DCHS2: variants seen among roughly 807,000 people sequenced by gnomAD.
DCHS2 encodes dachsous cadherin-related 2.
In DCHS2, 142 loss-of-function variants were observed where a neutral mutation model predicts 182.4. The observed-to-expected ratio is 0.78, with a 90% CI of 0.68 to 0.89. DCHS2 has a LOEUF of 0.89. Among genes scored for constraint, DCHS2 ranks in the 40% least tolerant of loss-of-function variants. DCHS2 has a pLI of 0.00. For missense variants in DCHS2, 4,319 were observed against 4,198.6 expected (o/e 1.03, Z -0.79); for synonymous variants, 1,740 against 1,663.3 (o/e 1.05, Z -1.12).
intron 2 of DCHS2, among the ~76,000 whole-genome samples, chr4:154,372,897 A>G (rs146557021): frequency 1.3e-5 from 2 of 152,352 alleles, no homozygotes; most frequent in East Asian, 3.9e-4. Context: ...AGTAGCAACG[A>G]ACATCAATGT....
At chr4:154,245,834 A>G (rs919623680) in intron 16 of DCHS2, among the ~76,000 whole-genome samples, 1 of 152,202 alleles carries the variant, frequency 6.6e-6, no homozygotes, top group Admixed American at 6.5e-5. Context: ...AAAGGAAATC[A>G]GAGATTAAAA....
Position 154,234,970 on chromosome 4 carries a change from C to T in DCHS2, c.9682G>A (p.Gly3228Arg), listed in dbSNP as rs969617194. The change falls in exon 20 of 20, where the codon GGA (glycine) becomes AGA (arginine). Residue 3228 changes from glycine to arginine, a missense_variant. Gly to Arg is a moderately radical substitution (Grantham distance 125, BLOSUM62 -2). Transcript: ENST00000357232. ...LSTQTTSDHD[G>R]KDNYHWNYLL... ...TAATTCCAGTGATAGTTGTCTTTTCCATCATGATCAGAGGTCGTCTGAGTT... is the reference window on the plus strand; with the variant it reads ...TAATTCCAGTGATAGTTGTCTTTTCTATCATGATCAGAGGTCGTCTGAGTT... 3.1e-6 allele frequency: 5 copies of T among 1,614,056 alleles called. No individual in the cohort carries two copies. The highest frequency in any genetic ancestry group is 4.2e-6 in the Non-Finnish European group (5 of 1,179,954).
In DCHS2 at chr4:154,320,895, C is replaced by A; in HGVS notation, c.4504G>T (p.Asp1502Tyr). The A allele has an allele frequency of 1.9e-6, 3 of 1,614,082 alleles. No individual in the cohort carries two copies. The highest frequency in any genetic ancestry group is 2.5e-6 in the Non-Finnish European group (3 of 1,180,020). The change falls in exon 9 of 20, where the codon GAT becomes TAT. Residue 1502 changes from aspartate (D) to tyrosine (Y), a missense_variant. Coordinates refer to ENST00000357232, the MANE Select transcript of DCHS2 (RefSeq NM_001358235.2). ...STVFLSIDVE[D>Y]QNDHSPSFQD... ...AAAGATGGGGAATGGTCATTCTGAT[C>A]TTCCACATCGATACTAAGGAAGACT...
intron 1 of DCHS2, among the ~76,000 whole-genome samples, chr4:154,417,372 C>T (rs577836427): frequency 6.6e-5 from 10 of 152,066 alleles, no homozygotes; most frequent in South Asian, 2.1e-4. Context: ...CTTCCTTGGC[C>T]AAATTCAAGA....
At chr4:154,307,912 C>A (rs1038616135) in intron 10 of DCHS2, among the ~76,000 whole-genome samples, 2 of 152,148 alleles carry the variant, frequency 1.3e-5, no homozygotes, top group Non-Finnish European at 2.9e-5. Context: ...ACCCTCTGCA[C>A]CTGTACTCAA....
At chr4:154,252,224 A>C (rs951130880) in intron 16 of DCHS2, among the ~76,000 whole-genome samples, 14 of 152,288 alleles carry the variant, frequency 9.2e-5, no homozygotes, top group African/African-American at 3.4e-4. Context: ...GGGTTACATG[A>C]GATATTTTGA....
intron 3 of DCHS2, among the ~76,000 whole-genome samples, chr4:154,356,162 CT>C (rs1296399177): frequency 6.6e-6 from 1 of 151,872 alleles, no homozygotes; most frequent in Non-Finnish European, 1.5e-5. Context: ...GCTCTTGACC[CT>C]GTGTAGGCCT....
intron 2 of DCHS2, among the ~76,000 whole-genome samples, chr4:154,372,529 C>A (rs1311115198): frequency 6.6e-6 from 1 of 152,028 alleles, no homozygotes; most frequent in Non-Finnish European, 1.5e-5. Flanking sequence ...TTATCTCAAA[C>A]ACATATGTCA....
Position 154,446,986 on chromosome 4 carries a change from T to C in DCHS2, c.2052+42318A>G, listed in dbSNP as rs555321634. Among the ~76,000 whole-genome samples, 3 of 151,830 alleles carry C rather than the reference T, an allele frequency of 2.0e-5. No individual in the cohort carries two copies. In the South Asian group the frequency reaches 6.3e-4, roughly 32 times the overall value. On this transcript the variant is annotated intron_variant, in intron 1 of 19. Transcript: ENST00000357232. ...CACACACACACACACACATAATAAATGCAAGTAAAACTAGGGAAATCTGGG... is the reference window on the plus strand; with the variant it reads ...CACACACACACACACACATAATAAACGCAAGTAAAACTAGGGAAATCTGGG...
intron 5 of DCHS2, chr4:154,331,660 C>T: frequency 6.2e-7 from 1 of 1,614,056 alleles, no homozygotes; most frequent in South Asian, 1.1e-5. Context: ...GTCTGTCCCA[C>T]TAAAGGCAGC....
intron 1 of DCHS2, among the ~76,000 whole-genome samples, chr4:154,451,650 A>G (rs1734541106): frequency 6.6e-6 from 1 of 152,188 alleles, no homozygotes; most frequent in Admixed American, 6.5e-5. Flanking sequence ...CTGCAGCACT[A>G]TAGCCCATTT....
At chr4:154,379,542 A>G (rs1388068) in intron 1 of DCHS2, among the ~76,000 whole-genome samples, 4,003 of 152,316 alleles carry the variant, frequency 0.026, 164 homozygotes, top group South Asian at 0.14. Flanking sequence ...ATGGCTACCC[A>G]GTGCCACTCT....
rs1256855069 is a variant in DCHS2, at chr4:154,329,531, G to T, written c.3910C>A (p.His1304Asn). 1.9e-6 allele frequency: 3 copies of T among 1,613,208 alleles called. No homozygotes were observed. Among genetic ancestry groups the T allele is most frequent in the Non-Finnish European group, 2.5e-6 (3 of 1,179,574 alleles). ...FPQCLPGKEL[H>N]VKVLEGQPVN... Reference sequence around the variant, plus strand: ...AAGGTTTCTTCACAAACCTTCACGTGTAACTCCTTTCCAGGGAGACACTGG... The same window carrying T: ...AAGGTTTCTTCACAAACCTTCACGTTTAACTCCTTTCCAGGGAGACACTGG... The change falls in exon 6 of 20, where the codon CAC becomes AAC. Residue 1304 changes from histidine (H) to asparagine (N), a missense_variant. His to Asn is a moderately conservative substitution (Grantham distance 68, BLOSUM62 1). Transcript: ENST00000357232.
At chr4:154,468,385 A>C (rs1735323040) in intron 1 of DCHS2, among the ~76,000 whole-genome samples, 1 of 152,116 alleles carries the variant, frequency 6.6e-6, no homozygotes, top group Non-Finnish European at 1.5e-5. Flanking sequence ...TTGAACACTC[A>C]TGTCATCTAA....
At chr4:154,245,641 C>G (rs1244680985) in intron 16 of DCHS2, among the ~76,000 whole-genome samples, 1 of 152,040 alleles carries the variant, frequency 6.6e-6, no homozygotes, top group African/African-American at 2.4e-5. Flanking sequence ...GCTGACTACA[C>G]AGGTTTTATC....
In DCHS2 at chr4:154,490,530, G is replaced by T; in HGVS notation, c.826C>A (p.Arg276Ser). Residue 276 changes from arginine (R) to serine (S), a missense_variant, in exon 1 of 20, where the codon CGC becomes AGC. Physicochemically the swap from Arg to Ser is moderately radical, Grantham distance 110. Coordinates refer to ENST00000357232, the MANE Select transcript of DCHS2 (RefSeq NM_001358235.2). ...IEAWDGGRPRRTGLLSVELRV... is the reference protein window; with the variant it reads ...IEAWDGGRPRSTGLLSVELRV... ...AGCTCCACGCTCAGGAGGCCGGTGC[G>T]CCGGGGTCGGCCGCCGTCCCATGCC... 6.5e-7 allele frequency: 1 copy of T among 1,536,762 alleles called. No individual in the cohort carries two copies.
chr4:154,340,993 A>G (rs1729037579), intron 3 of DCHS2, among the ~76,000 whole-genome samples: 1 of 152,232 alleles, frequency 6.6e-6, no homozygotes, highest in East Asian at 1.9e-4. Flanking sequence ...TGCATATGGT[A>G]GCCACTCAAA....
intron 1 of DCHS2, 123 bp from the exon 2 acceptor site, chr4:154,377,567 CT>C (rs1730967803): frequency 2.8e-6 from 2 of 722,342 alleles, no homozygotes; most frequent in Non-Finnish European, 4.4e-6. Flanking sequence ...AAAGCCTAGG[CT>C]TTGGTTTCAT....
intron 3 of DCHS2, among the ~76,000 whole-genome samples, chr4:154,356,850 T>C (rs1029053070): frequency 6.6e-6 from 1 of 152,148 alleles, no homozygotes; most frequent in African/African-American, 2.4e-5. Context: ...CTTTGAGCAA[T>C]GCATGACTAA....
Sources: allele counts gnomAD v4.1 joint callset (sites outside exome capture counted in the v4.1 genomes callset), GRCh38; gene constraint gnomAD v4.1.1; transcripts MANE v1.5; gene names NCBI Gene and HGNC (gene_info 2026-07-23, HGNC 2026-07-21).